The following HAO1 variants were observed in gnomAD, a reference collection of about 807,000 sequenced individuals.
HAO1 encodes 2-Hydroxyacid oxidase 1.
In HAO1, 34 loss-of-function variants were observed where a neutral mutation model predicts 39.7. The observed-to-expected ratio is 0.86, with a 90% CI of 0.65 to 1.14. HAO1 has a LOEUF of 1.14. HAO1 is among the 50% of genes most tolerant of loss of function. The pLI, the probability that HAO1 is intolerant of heterozygous loss-of-function variation, is 0.00. For missense variants in HAO1, 479 were observed against 464.5 expected, an observed-to-expected ratio of 1.03 and a Z score of -0.29; for synonymous variants, 172 against 173.2, an observed-to-expected ratio of 0.99 and a Z score of 0.05.
At chr20:7,934,364 A>G in intron 2 of HAO1, 120 bp downstream of exon 2, 1 of 683,180 alleles carries the variant, frequency 1.5e-6, no homozygotes, top group South Asian at 2.2e-5. Context: ...GATAGAGTCC[A>G]TGAGCTTAAT....
At chr20:7,913,177 T>TG (rs1013839030) in intron 3 of HAO1, among the ~76,000 whole-genome samples, 19 of 151,240 alleles carry the variant, frequency 1.3e-4, no homozygotes, top group Middle Eastern at 3.4e-3. Context: ...TTTGTTTTTT[T>TG]TTTTTTTTCC....
At chr20:7,928,911 A>T (rs1000388232) in intron 2 of HAO1, among the ~76,000 whole-genome samples, 18 of 152,096 alleles carry the variant, frequency 1.2e-4, no homozygotes, top group Admixed American at 1.2e-3. Flanking sequence ...AGAAATCAAG[A>T]TTTCTGGCTT....
intron 1 of HAO1, among the ~76,000 whole-genome samples, chr20:7,937,715 T>G (rs908159554): frequency 2.0e-5 from 3 of 152,214 alleles, no homozygotes; most frequent in African/African-American, 7.2e-5. Flanking sequence ...TGAATAAATG[T>G]GTAAGAGAAA....
chr20:7,903,498 G>A (rs1051560665), intron 4 of HAO1, among the ~76,000 whole-genome samples: 2 of 151,904 alleles, frequency 1.3e-5, no homozygotes, highest in African/African-American at 4.8e-5. Context: ...GGTGATAGGA[G>A]TGGTGGAGGT....
At chr20:7,939,095 G>A (rs1169578859) in intron 1 of HAO1, among the ~76,000 whole-genome samples, 1 of 142,418 alleles carries the variant, frequency 7.0e-6, no homozygotes, top group Non-Finnish European at 1.5e-5. Context: ...CATCTTCCAA[G>A]AGCAGAAACT....
intron 5 of HAO1, among the ~76,000 whole-genome samples, chr20:7,888,378 A>G (rs2294306): frequency 0.25 from 38,187 of 151,986 alleles, 11,661 homozygotes; most frequent in African/African-American, 0.72. Context: ...AACTTCTGCT[A>G]GCAAGGAGCT....
intron 3 of HAO1, among the ~76,000 whole-genome samples, chr20:7,910,826 G>A (rs1257791738): frequency 6.6e-6 from 1 of 152,092 alleles, no homozygotes; most frequent in African/African-American, 2.4e-5. Context: ...AAAAATTTAA[G>A]AGGCTATTGT....
At chr20:7,936,556 G>GTGTGTT (rs1375018593) in intron 1 of HAO1, among the ~76,000 whole-genome samples, 43 of 146,188 alleles carry the variant, frequency 2.9e-4, no homozygotes, top group Admixed American at 1.4e-3. Flanking sequence ...GTTCGCGCGC[G>GTGTGTT]CGCGCGCGCG....
chr20:7,932,932 G>T (rs1275818681), intron 2 of HAO1, among the ~76,000 whole-genome samples: 1 of 152,056 alleles, frequency 6.6e-6, no homozygotes, highest in African/African-American at 2.4e-5. Context: ...TTTCTAGGAA[G>T]ATTATTCCAC....
At chr20:7,920,091 T>C (rs2050324002) in intron 2 of HAO1, among the ~76,000 whole-genome samples, 1 of 152,148 alleles carries the variant, frequency 6.6e-6, no homozygotes, top group East Asian at 1.9e-4. Context: ...CAGGGAACTG[T>C]AATCCCCATG....
chr20:7,907,832 A>G (rs1479393807), intron 3 of HAO1, among the ~76,000 whole-genome samples: 3 of 152,176 alleles, frequency 2.0e-5, no homozygotes, highest in African/African-American at 4.8e-5. Context: ...ACTTCAGGAT[A>G]CACAATAGAA....
At chr20:7,936,347 T>C (rs1020061730) in intron 1 of HAO1, among the ~76,000 whole-genome samples, 1 of 152,188 alleles carries the variant, frequency 6.6e-6, no homozygotes, top group African/African-American at 2.4e-5. Context: ...AGAGTTTTTA[T>C]TACCAATCAT....
intron 4 of HAO1, among the ~76,000 whole-genome samples, 194 bp from the exon 5 acceptor site, chr20:7,895,418 A>T (rs1230898494): frequency 4.6e-5 from 7 of 151,526 alleles, no homozygotes; most frequent in Admixed American, 2.6e-4. Context: ...AAACAACAAA[A>T]AAATGTTACT....
intron 3 of HAO1, among the ~76,000 whole-genome samples, chr20:7,913,436 G>A (rs2050290065): frequency 6.6e-6 from 1 of 152,126 alleles, no homozygotes; most frequent in Admixed American, 6.6e-5. Context: ...ATCTGATGGG[G>A]AAAAGAGGTG....
intron 5 of HAO1, 47 bp downstream of exon 5, chr20:7,895,082 TGATG>T (rs1165189878): frequency 9.1e-7 from 1 of 1,095,190 alleles, no homozygotes; most frequent in African/African-American, 1.5e-5. Flanking sequence ...AGTAACACAG[TGATG>T]GAAATGGGAA....
At chr20:7,903,668 A>G (rs909599442) in intron 4 of HAO1, among the ~76,000 whole-genome samples, 1 of 146,368 alleles carries the variant, frequency 6.8e-6, no homozygotes, top group South Asian at 2.2e-4. Flanking sequence ...TGGTGGTGGC[A>G]GTGGTGGTGG....
chr20:7,898,467 A>T (rs1227333680), intron 4 of HAO1, among the ~76,000 whole-genome samples: 1 of 152,090 alleles, frequency 6.6e-6, no homozygotes, highest in Non-Finnish European at 1.5e-5. Context: ...CTTTAATTTC[A>T]GTGGAGTCTT....
chr20:7,937,817 C>G (rs558968947), intron 1 of HAO1, among the ~76,000 whole-genome samples: 1 of 152,042 alleles, frequency 6.6e-6, no homozygotes, highest in Admixed American at 6.6e-5. Flanking sequence ...TTATAACCAC[C>G]GTAAGAAATT....
rs534738842 is a variant in HAO1 at position 7,909,823 on chromosome 20, A to G, written c.546-3494T>C. Among the ~76,000 whole-genome samples the G allele has an allele frequency of 4.6e-5, 7 of 152,332 alleles. No homozygotes were observed. In the East Asian group the frequency reaches 9.6e-4, roughly 21 times the overall value. The stretch of plus-strand genomic sequence containing the variant: ...AAATAACATGACCAGTAGAAGCTAC[A>G]GCATCAACACAATATGAAAAGAAAG... On this transcript the variant is annotated intron_variant, in intron 3 of 7. Coordinates refer to ENST00000378789, the MANE Select transcript of HAO1 (RefSeq NM_017545.3).
Sources: allele counts gnomAD v4.1 joint callset (sites outside exome capture counted in the v4.1 genomes callset), GRCh38; gene constraint gnomAD v4.1.1; transcripts MANE v1.5; gene names NCBI Gene and HGNC (gene_info 2026-07-23, HGNC 2026-07-21).